The following RABGEF1 variants were observed in gnomAD, a reference collection of about 807,000 sequenced individuals.
RABGEF1 encodes RAB guanine nucleotide exchange factor 1, also known as rab5 GDP/GTP exchange factor.
Under a neutral mutation model 57.3 loss-of-function variants are expected in RABGEF1, and 26 were observed. The ratio of observed to expected loss-of-function variants is 0.45; its 90% CI spans 0.33 to 0.63. The LOEUF (loss-of-function observed/expected upper bound fraction) is 0.63, where lower values mean the gene tolerates loss of function less well. Ranked by LOEUF, RABGEF1 falls within the 20% of genes least tolerant of loss-of-function variation. The pLI, the probability that RABGEF1 is intolerant of heterozygous loss-of-function variation, is 0.02. For synonymous variants in RABGEF1, 185 were observed against 210.7 expected (o/e 0.88, Z 1.06); for missense variants, 464 against 607.6 (o/e 0.76, Z 2.48).
chr7:66,677,838 G>A (rs1348571106), upstream of RABGEF1, among the ~76,000 whole-genome samples: 2 of 151,592 alleles, frequency 1.3e-5, no homozygotes, highest in Non-Finnish European at 2.9e-5. Flanking sequence ...GGCTGAAGCT[G>A]GTGGATTGTT....
intron 1 of RABGEF1, among the ~76,000 whole-genome samples, chr7:66,704,731 A>G (rs1793752553): frequency 6.6e-6 from 1 of 151,956 alleles, no homozygotes; most frequent in African/African-American, 2.4e-5. Context: ...GAATGGTGTG[A>G]ACCCAGGAGG....
upstream of RABGEF1, among the ~76,000 whole-genome samples, chr7:66,679,221 TAGG>T (rs1245627423): frequency 6.6e-6 from 1 of 152,226 alleles, no homozygotes; most frequent in Non-Finnish European, 1.5e-5. Context: ...GATATTTGCA[TAGG>T]AGCACAGCTG....
intron 1 of RABGEF1, among the ~76,000 whole-genome samples, chr7:66,691,939 C>CT (rs1355447893): frequency 2.0e-5 from 3 of 152,022 alleles, no homozygotes; most frequent in African/African-American, 7.2e-5. Context: ...CATCTGTAGT[C>CT]CCAGCTACTG....
At chr7:66,767,395 A>G (rs1806012342) in intron 1 of RABGEF1, among the ~76,000 whole-genome samples, 1 of 152,040 alleles carries the variant, frequency 6.6e-6, no homozygotes, top group South Asian at 2.1e-4. Context: ...ATTTATGTAA[A>G]CACCTCCACA....
In RABGEF1 at chr7:66,775,402, C is replaced by T. The variant is rs200120070; in HGVS notation, c.346+9C>T. 3 of 1,611,890 alleles carry T rather than the reference C, an allele frequency of 1.9e-6. No individual in the cohort carries two copies. Among genetic ancestry groups the T allele is most frequent in the South Asian group, 2.2e-5 (2 of 90,924 alleles). On this transcript the variant is annotated intron_variant, in intron 3 of 8. Coordinates refer to ENST00000284957, the MANE Select transcript of RABGEF1 (RefSeq NM_014504.3). Reference sequence around the variant, plus strand: ...GGTCGGATCAAAGAAGGGTAATGTTCTGATACTCTTTTTTTTCTTCTCTGC... The same window carrying T: ...GGTCGGATCAAAGAAGGGTAATGTTTTGATACTCTTTTTTTTCTTCTCTGC...
chr7:66,803,188 G>T (rs1287588792), intron 7 of RABGEF1, among the ~76,000 whole-genome samples: 1 of 152,168 alleles, frequency 6.6e-6, no homozygotes, highest in Non-Finnish European at 1.5e-5. Context: ...TCATAAGTAA[G>T]GGAATAAAAG....
intron 7 of RABGEF1, among the ~76,000 whole-genome samples, chr7:66,800,540 C>G (rs1443722462): frequency 6.6e-6 from 1 of 152,080 alleles, no homozygotes; most frequent in Non-Finnish European, 1.5e-5. Flanking sequence ...TTCTTGCAAG[C>G]TTTTCTGCTA....
At chr7:66,771,800 C>A in intron 1 of RABGEF1, 83 bp from the exon 2 acceptor site, 1 of 998,218 alleles carries the variant, frequency 1.0e-6, no homozygotes, top group Non-Finnish European at 1.4e-6. Context: ...ATAATGGAAT[C>A]ACTCACTTTT....
chr7:66,660,718 C>T, the RABGEF1 span, among the ~76,000 whole-genome samples: 2 of 152,228 alleles, frequency 1.3e-5, no homozygotes, highest in African/African-American at 2.4e-5. Context: ...ATACCCCTGA[C>T]TGGATGGTTT....
At chr7:66,753,700 C>CTTTTTTTTTTTT (rs1562788670) in intron 1 of RABGEF1, among the ~76,000 whole-genome samples, 7 of 78,500 alleles carry the variant, frequency 8.9e-5, no homozygotes, top group Admixed American at 1.4e-4. Flanking sequence ...ATTTTGCCAT[C>CTTTTTTTTTTTT]GTTTTTTTTT....
At chr7:66,733,720 A>C (rs1797608946) in intron 2 of RABGEF1, among the ~76,000 whole-genome samples, 1 of 151,592 alleles carries the variant, frequency 6.6e-6, no homozygotes, top group Non-Finnish European at 1.5e-5. Flanking sequence ...CAAAACAAAA[A>C]AACCCTCCTA....
chr7:66,720,709 AAAG>A (rs1411648284), intron 2 of RABGEF1, among the ~76,000 whole-genome samples: 1 of 152,122 alleles, frequency 6.6e-6, no homozygotes, highest in Non-Finnish European at 1.5e-5. Context: ...TGCAATAATA[AAAG>A]AAGAAAAAGT....
intron 1 of RABGEF1, among the ~76,000 whole-genome samples, chr7:66,684,543 CA>C (rs1336257577): frequency 2.0e-5 from 3 of 152,194 alleles, no homozygotes; most frequent in Non-Finnish European, 4.4e-5. Context: ...CAACCTCTAC[CA>C]CCCAGGCTTA....
chr7:66,676,637 G>A, the RABGEF1 span, among the ~76,000 whole-genome samples: 2 of 152,196 alleles, frequency 1.3e-5, 1 homozygote, highest in Non-Finnish European at 2.9e-5. Context: ...GCCCAGGCTG[G>A]AGTGCAGTGG....
chr7:66,762,144 T>C (rs1804558679), intron 1 of RABGEF1, among the ~76,000 whole-genome samples: 1 of 152,024 alleles, frequency 6.6e-6, no homozygotes, highest in African/African-American at 2.4e-5. Flanking sequence ...CGAAAACCAA[T>C]ATATATTATA....
rs1255905603 is a variant in RABGEF1 at position 66,805,374 on chromosome 7, A to G, written c.1055A>G (p.Asp352Gly). Reference protein sequence around the residue: ...CNPSRLMTGEDGYYFTNLCCA... With the variant: ...CNPSRLMTGEGGYYFTNLCCA... Reference sequence around the variant, plus strand: ...CCAAGCCGACTGATGACTGGAGAGGATGGCTACTATTTCACCAATCTGGTG... The same window carrying G: ...CCAAGCCGACTGATGACTGGAGAGGGTGGCTACTATTTCACCAATCTGGTG... Residue 352 changes from aspartate to glycine, a missense_variant, in exon 8 of 9, where the codon GAT (aspartate) becomes GGT (glycine). Around this residue, in one of 4 missense-constraint regions of RABGEF1, gnomAD observed 284 missense variants for 389.9 expected, o/e 0.73. Coordinates refer to ENST00000284957, the MANE Select transcript of RABGEF1 (RefSeq NM_014504.3). The G allele has an allele frequency of 1.2e-6, 2 of 1,614,152 alleles. No homozygotes were observed. The highest frequency in any genetic ancestry group is 1.1e-5 in the South Asian group (1 of 91,074).
intron 1 of RABGEF1, among the ~76,000 whole-genome samples, chr7:66,684,256 C>T (rs1790245255): frequency 6.6e-6 from 1 of 152,016 alleles, no homozygotes; most frequent in African/African-American, 2.4e-5. Context: ...CCAGCCTGAC[C>T]AACATGGTGA....
intron 1 of RABGEF1, among the ~76,000 whole-genome samples, chr7:66,698,328 C>G (rs936514383): frequency 6.6e-6 from 1 of 152,174 alleles, no homozygotes. Context: ...CTGATCAGAA[C>G]CCCCAGGGCA....
rs1200851018 is a variant in RABGEF1 at position 66,811,434 on chromosome 7, A to G, written c.*2150A>G. On this transcript the variant is annotated 3_prime_UTR_variant, in exon 9 of 9. Transcript: ENST00000284957. ...CTTTGGAACGGAATTCTTTATCAATAAAGTTTCACAATCCGTCCCTCTTCC... is the reference window on the plus strand; with the variant it reads ...CTTTGGAACGGAATTCTTTATCAATGAAGTTTCACAATCCGTCCCTCTTCC... 1 of 152,592 alleles carries G rather than the reference A, an allele frequency of 6.6e-6. No homozygotes were observed. Among genetic ancestry groups the G allele is most frequent in the Non-Finnish European group, 1.5e-5 (1 of 68,042 alleles). 9.5% of individuals were successfully genotyped at this position (152,592 alleles called of 1,614,324 possible). A position where few individuals can be genotyped will look rare whatever the true frequency, so the allele number is the denominator to read the frequency against.
Sources: gnomAD v4.1 joint callset for allele counts (sites outside exome capture counted in the v4.1 genomes callset) on GRCh38, gnomAD v4.1.1 for gene constraint, gnomAD v4.1.1 regional missense constraint, MANE v1.5 for transcripts, NCBI Gene and HGNC (gene_info 2026-07-23, HGNC 2026-07-21) for gene names.